PTPRD: variants seen among roughly 807,000 people sequenced by gnomAD.
PTPRD encodes protein tyrosine phosphatase receptor type D.
Under a neutral mutation model 214.5 loss-of-function variants are expected in PTPRD, and 34 were observed. The observed-to-expected ratio is 0.16, with a 90% CI of 0.12 to 0.21. The LOEUF is 0.21. Ranked by LOEUF, PTPRD falls within the 10% of genes least tolerant of loss-of-function variation. The pLI is 1.00. For synonymous variants in PTPRD, 1,128 were observed against 845.7 expected (o/e 1.33, Z -5.79); for missense variants, 2,545 against 2,398.7 (o/e 1.06, Z -1.27).
At chr9:8,878,199 G>A (rs932962221) in intron 11 of PTPRD, among the ~76,000 whole-genome samples, 4 of 152,110 alleles carry the variant, frequency 2.6e-5, no homozygotes, top group African/African-American at 7.2e-5. Flanking sequence ...GTGTTCCCAG[G>A]AGCTTGATCA....
At chr9:9,868,735 A>G (rs2064661537) in intron 5 of PTPRD, among the ~76,000 whole-genome samples, 1 of 147,818 alleles carries the variant, frequency 6.8e-6, no homozygotes, top group Admixed American at 6.6e-5. Context: ...TCCTGGAACA[A>G]AGAAAAATGA....
chr9:8,906,263 G>A (rs2154256029), intron 11 of PTPRD, among the ~76,000 whole-genome samples: 1 of 152,248 alleles, frequency 6.6e-6, no homozygotes, highest in East Asian at 1.9e-4. Context: ...ATAGCAAGGA[G>A]CTAAGCACTG....
intron 8 of PTPRD, among the ~76,000 whole-genome samples, chr9:9,542,168 C>G (rs2077735877): frequency 6.6e-6 from 1 of 151,658 alleles, no homozygotes; most frequent in South Asian, 2.1e-4. Context: ...CTACTGCTAT[C>G]AGGGAAGAAA....
At chr9:9,812,946 A>C (rs375848778) in intron 5 of PTPRD, among the ~76,000 whole-genome samples, 6 of 152,268 alleles carry the variant, frequency 3.9e-5, no homozygotes, top group African/African-American at 1.2e-4. Flanking sequence ...ACTTGTTATC[A>C]TATTTGGTAA....
At chr9:9,924,314 G>C (rs990429167) in intron 5 of PTPRD, among the ~76,000 whole-genome samples, 1 of 151,962 alleles carries the variant, frequency 6.6e-6, no homozygotes, top group Non-Finnish European at 1.5e-5. Context: ...AAAAGGACCA[G>C]ATACACGAGC....
intron 9 of PTPRD, among the ~76,000 whole-genome samples, chr9:9,187,792 T>G (rs1171180626): frequency 6.6e-6 from 1 of 151,748 alleles, no homozygotes. Context: ...TTTTTTTTTG[T>G]GGTGTTGTGT....
chr9:8,659,973 T>G (rs773773832), intron 12 of PTPRD, among the ~76,000 whole-genome samples: 1 of 152,220 alleles, frequency 6.6e-6, no homozygotes, highest in Admixed American at 6.5e-5. Context: ...ATATCATACC[T>G]ATTATAAGAA....
At chr9:10,025,622 C>G (rs962142290) in intron 4 of PTPRD, among the ~76,000 whole-genome samples, 10 of 152,094 alleles carry the variant, frequency 6.6e-5, no homozygotes, top group African/African-American at 2.4e-4. Flanking sequence ...ATTTCAAATA[C>G]GATGCAAATT....
At chr9:8,880,048 T>C (rs995845776) in intron 11 of PTPRD, among the ~76,000 whole-genome samples, 1 of 152,128 alleles carries the variant, frequency 6.6e-6, no homozygotes, top group Admixed American at 6.5e-5. Context: ...AAAACATACA[T>C]CCTATGTTTG....
At chr9:9,540,178 A>G (rs1236634571) in intron 8 of PTPRD, among the ~76,000 whole-genome samples, 2 of 151,862 alleles carry the variant, frequency 1.3e-5, no homozygotes, top group African/African-American at 2.4e-5. Flanking sequence ...CTTGGCTAAT[A>G]TCTGCCACCC....
chr9:8,824,011 T>G (rs1045690726), intron 11 of PTPRD, among the ~76,000 whole-genome samples: 2 of 152,210 alleles, frequency 1.3e-5, no homozygotes, highest in Non-Finnish European at 2.9e-5. Context: ...ATGGCATTTG[T>G]AAACTGTCAT....
chr9:9,477,318 T>TGC (rs2095128689), intron 8 of PTPRD, among the ~76,000 whole-genome samples: 1 of 152,198 alleles, frequency 6.6e-6, no homozygotes, highest in Admixed American at 6.5e-5. Context: ...ATATCACCCA[T>TGC]TGAGATTAAC....
intron 9 of PTPRD, among the ~76,000 whole-genome samples, chr9:9,391,047 G>C (rs1243728861): frequency 6.6e-6 from 1 of 152,156 alleles, no homozygotes; most frequent in Non-Finnish European, 1.5e-5. Flanking sequence ...TTAAGCATAA[G>C]AGACTGCATT....
chr9:8,457,514 A>G (rs1161783762), intron 33 of PTPRD, among the ~76,000 whole-genome samples: 1 of 152,142 alleles, frequency 6.6e-6, no homozygotes, highest in Non-Finnish European at 1.5e-5. Flanking sequence ...ATTAAAAACA[A>G]AAGTTAAATG....
chr9:9,644,017 A>G (rs1261973133), intron 7 of PTPRD, among the ~76,000 whole-genome samples: 2 of 152,172 alleles, frequency 1.3e-5, no homozygotes, highest in African/African-American at 2.4e-5. Context: ...TAACAGAAAG[A>G]TTTATACATT....
chr9:9,523,162 C>T (rs933898794), intron 8 of PTPRD, among the ~76,000 whole-genome samples: 1 of 151,924 alleles, frequency 6.6e-6, no homozygotes, highest in African/African-American at 2.4e-5. Context: ...TAAAAAAATG[C>T]TTTTTTATTT....
At chr9:9,500,943 C>G (rs1005825452) in intron 8 of PTPRD, among the ~76,000 whole-genome samples, 1 of 151,896 alleles carries the variant, frequency 6.6e-6, no homozygotes, top group African/African-American at 2.4e-5. Flanking sequence ...CAAGTACACA[C>G]TGATAAGTTA....
intron 33 of PTPRD, chr9:8,451,989 G>T (rs1272417787): frequency 2.7e-6 from 1 of 372,430 alleles, no homozygotes; most frequent in East Asian, 8.3e-5. Flanking sequence ...ACTCTCTAAA[G>T]TAATTTAGCC....
intron 35 of PTPRD, among the ~76,000 whole-genome samples, chr9:8,436,321 G>GC (rs1157044856): frequency 6.9e-6 from 1 of 144,454 alleles, no homozygotes; most frequent in East Asian, 1.9e-4. Flanking sequence ...TACAATTATT[G>GC]CCAATTAAAA....
Sources: allele counts gnomAD v4.1 joint callset (sites outside exome capture counted in the v4.1 genomes callset), GRCh38; gene constraint gnomAD v4.1.1; transcripts MANE v1.5; gene names NCBI Gene and HGNC (gene_info 2026-07-23, HGNC 2026-07-21).